TANC2: variants seen among roughly 807,000 people sequenced by gnomAD.
TANC2 encodes the protein tetratricopeptide repeat, ankyrin repeat and coiled-coil containing 2.
A neutral mutation model predicts 210.5 loss-of-function variants in TANC2; 26 were observed. That is an observed-to-expected ratio of 0.12 (90% CI 0.09 to 0.17). The LOEUF is 0.17. TANC2 is among the 10% of genes least tolerant of loss of function. TANC2 has a pLI of 1.00. For synonymous variants in TANC2, 931 were observed against 967.1 expected (o/e 0.96, Z 0.69); for missense variants, 2,129 against 2,608.9 (o/e 0.82, Z 4.01).
intron 2 of TANC2, among the ~76,000 whole-genome samples, chr17:63,064,144 A>G (rs902340086): frequency 6.6e-5 from 10 of 152,314 alleles, no homozygotes; most frequent in African/African-American, 2.4e-4. Context: ...AGGTATAAGA[A>G]TTATAGTCTT....
At chr17:63,101,177 C>T (rs1259188034) in intron 4 of TANC2, among the ~76,000 whole-genome samples, 1 of 152,132 alleles carries the variant, frequency 6.6e-6, no homozygotes, top group Non-Finnish European at 1.5e-5. Flanking sequence ...CATCCATTAT[C>T]CCTTCTTAAC....
chr17:63,007,199 A>C (rs2033662640), intron 1 of TANC2, among the ~76,000 whole-genome samples: 1 of 152,208 alleles, frequency 6.6e-6, no homozygotes, highest in Non-Finnish European at 1.5e-5. Context: ...ACTGTTCTCC[A>C]GCCTGGGTGA....
chr17:63,093,603 T>C (rs1489592237), intron 3 of TANC2, among the ~76,000 whole-genome samples: 1 of 152,162 alleles, frequency 6.6e-6, no homozygotes, highest in Non-Finnish European at 1.5e-5. Flanking sequence ...CTAGTTCTTT[T>C]GTTTTTCTGT....
At chr17:63,051,593 A>G (rs1351517727) in intron 2 of TANC2, among the ~76,000 whole-genome samples, 1 of 152,198 alleles carries the variant, frequency 6.6e-6, no homozygotes, top group Non-Finnish European at 1.5e-5. Context: ...AAACTTTATT[A>G]TAGCTATGTA....
At chr17:63,001,390 T>C (rs2033371954) in intron 1 of TANC2, among the ~76,000 whole-genome samples, 1 of 152,222 alleles carries the variant, frequency 6.6e-6, no homozygotes, top group Non-Finnish European at 1.5e-5. Flanking sequence ...CCTTCTTTAC[T>C]AAGTCAGTAA....
intron 4 of TANC2, chr17:63,148,533 C>G (rs1181663479): frequency 6.6e-6 from 1 of 152,170 alleles, no homozygotes; most frequent in Non-Finnish European, 1.5e-5. Flanking sequence ...TGCTCAACCT[C>G]TGCCAGATTC....
At chr17:63,347,763 A>G (rs2046461568) in intron 12 of TANC2, among the ~76,000 whole-genome samples, 1 of 152,144 alleles carries the variant, frequency 6.6e-6, no homozygotes, top group South Asian at 2.1e-4. Context: ...GAAAGGAGAC[A>G]CAAATTGTTT....
chr17:62,991,224 CAA>C (rs990163298), intron 1 of TANC2, among the ~76,000 whole-genome samples: 1 of 151,996 alleles, frequency 6.6e-6, no homozygotes, highest in African/African-American at 2.4e-5. Flanking sequence ...ATTAAAAAAA[CAA>C]ATGAAATGAT....
chr17:62,995,019 G>A lies in TANC2; in HGVS notation c.-23-14518G>A, dbSNP rs752383118. On this transcript the variant is annotated intron_variant, in intron 1 of 27. Transcript: ENST00000689528. ...CTTGAAAGATGATGCAATACTTTGG[G>A]CAAAGCAATAAGAAAACTGAAGAAG... Among the ~76,000 whole-genome samples, 15 of 152,262 alleles carry A rather than the reference G, an allele frequency of 9.9e-5. No homozygotes were observed. In the Middle Eastern group the frequency reaches 0.017, roughly 173 times the overall value.
intron 4 of TANC2, among the ~76,000 whole-genome samples, chr17:63,129,973 C>T (rs2038858760): frequency 6.6e-6 from 1 of 152,002 alleles, no homozygotes; most frequent in African/African-American, 2.4e-5. Flanking sequence ...GTAAGAACAA[C>T]TATGAGCAAG....
At position 63,122,849 on chromosome 17, in the gene TANC2, A is replaced by C. The variant is rs185993008; in HGVS notation, c.322+23492A>C. ...TGAGTGTGTTTTTTAAATTGGAGAA[A>C]ATATTGTTTATTATGTAGACTAGAA... On this transcript the variant is annotated intron_variant, in intron 4 of 27. Transcript: ENST00000689528. Among the ~76,000 whole-genome samples the C allele has an allele frequency of 3.3e-5, 5 of 152,362 alleles. No homozygotes were observed. In the East Asian group the frequency reaches 9.6e-4, roughly 29 times the overall value.
chr17:62,984,701 AT>A (rs1251590264), intron 1 of TANC2, among the ~76,000 whole-genome samples: 6 of 151,666 alleles, frequency 4.0e-5, no homozygotes, highest in Non-Finnish European at 8.8e-5. Context: ...TTTAATTCTT[AT>A]TTTTTTCCTT....
At chr17:63,283,501 G>A (rs1232321142) in intron 9 of TANC2, among the ~76,000 whole-genome samples, 2 of 151,694 alleles carry the variant, frequency 1.3e-5, no homozygotes, top group Non-Finnish European at 3.0e-5. Flanking sequence ...AGTTTTTATG[G>A]AGATTGCATT....
chr17:63,213,405 G>T (rs1248013531), intron 7 of TANC2, among the ~76,000 whole-genome samples: 1 of 152,140 alleles, frequency 6.6e-6, no homozygotes, highest in Non-Finnish European at 1.5e-5. Context: ...AGCTTTCGGT[G>T]TACAACCCGT....
chr17:63,052,877 G>A (rs1208007698), intron 2 of TANC2, among the ~76,000 whole-genome samples: 2 of 152,078 alleles, frequency 1.3e-5, no homozygotes. Flanking sequence ...ACTAAAACTT[G>A]AATTTCAAAT....
At chr17:63,000,466 A>G (rs1387754002) in intron 1 of TANC2, among the ~76,000 whole-genome samples, 1 of 152,208 alleles carries the variant, frequency 6.6e-6, no homozygotes. Context: ...GCAGAAGAAG[A>G]CATTGAAATA....
intron 17 of TANC2, chr17:63,391,725 CTTTTTTTTT>C (rs34888723): frequency 7.4e-6 from 1 of 135,076 alleles, no homozygotes; most frequent in African/African-American, 2.7e-5. Flanking sequence ...AATAATAAAC[CTTTTTTTTT>C]TTTTTTTTTT....
chr17:63,315,784 T>C (rs555162899), intron 10 of TANC2, among the ~76,000 whole-genome samples: 1 of 152,290 alleles, frequency 6.6e-6, no homozygotes, highest in Admixed American at 6.5e-5. Context: ...TTAGCAGCCT[T>C]GTATCATTAA....
intron 6 of TANC2, among the ~76,000 whole-genome samples, chr17:63,195,737 T>A: frequency 6.6e-6 from 1 of 152,198 alleles, no homozygotes; most frequent in Middle Eastern, 3.2e-3. Context: ...ACCAGAGTGA[T>A]CCTTGTAAAA....
Sources: allele counts gnomAD v4.1 joint callset (sites outside exome capture counted in the v4.1 genomes callset), GRCh38; gene constraint gnomAD v4.1.1; transcripts MANE v1.5; gene names NCBI Gene and HGNC (gene_info 2026-07-23, HGNC 2026-07-21).